Variants in ERC2 observed in about 807,000 individuals in gnomAD.
ERC2 encodes the protein ERC protein 2.
Under a neutral mutation model 114.8 loss-of-function variants are expected in ERC2, and 42 were observed. The observed-to-expected ratio is 0.37, with a 90% CI of 0.29 to 0.47. ERC2 has a LOEUF of 0.47. ERC2 is among the 20% of genes least tolerant of loss of function. The probability of loss-of-function intolerance (pLI) is 0.99; values close to 1 mark genes in which losing one functional copy is unlikely to be tolerated. For missense variants in ERC2, 939 were observed against 1,150.7 expected, an observed-to-expected ratio of 0.82 and a Z score of 2.66; for synonymous variants, 454 against 425.5, an observed-to-expected ratio of 1.07 and a Z score of -0.82.
chr3:56,197,849 T>C (rs2048192601), intron 3 of ERC2, among the ~76,000 whole-genome samples: 1 of 152,242 alleles, frequency 6.6e-6, no homozygotes, highest in Non-Finnish European at 1.5e-5. Context: ...TTTCCAAAAA[T>C]TCTTAGTGTT....
chr3:55,836,016 G>A (rs1202550957), intron 14 of ERC2, among the ~76,000 whole-genome samples: 10 of 151,068 alleles, frequency 6.6e-5, no homozygotes, highest in Non-Finnish European at 1.0e-4. Flanking sequence ...GTTTCAAAGA[G>A]AATAAAATAC....
intron 6 of ERC2, among the ~76,000 whole-genome samples, chr3:56,095,370 A>G (rs935421733): frequency 2.6e-5 from 4 of 152,228 alleles, no homozygotes; most frequent in African/African-American, 4.8e-5. Context: ...AGACAGATAA[A>G]TAAGATTAAA....
chr3:56,219,164 T>C (rs1343306552), intron 3 of ERC2, among the ~76,000 whole-genome samples: 1 of 151,994 alleles, frequency 6.6e-6, no homozygotes, highest in Non-Finnish European at 1.5e-5. Context: ...AAAAAAAGAC[T>C]ACACATTGGG....
chr3:56,355,111 C>A (rs1404792055), intron 2 of ERC2, among the ~76,000 whole-genome samples: 1 of 152,090 alleles, frequency 6.6e-6, no homozygotes, highest in Non-Finnish European at 1.5e-5. Context: ...TGATCCTTTT[C>A]TTTTTTAATC....
At position 55,675,903 on chromosome 3, in the gene ERC2, C is replaced by CTTTTTTTTTTTTTTTTTT. The variant is rs869296098; in HGVS notation, c.*39+7873_*39+7890dup. 7.2e-3 allele frequency among the ~76,000 whole-genome samples: 347 copies of CTTTTTTTTTTTTTTTTTT among 48,006 alleles called. 68 individuals carry two copies. The highest frequency in any genetic ancestry group is 0.021 in the Middle Eastern group (1 of 48). 31.5% of individuals were successfully genotyped at this position (48,006 alleles called of 152,430 possible). A position where few individuals can be genotyped will look rare whatever the true frequency, so the allele number is the denominator to read the frequency against. On this transcript the variant is annotated intron_variant, in intron 17 of 17. Coordinates refer to ENST00000288221, the MANE Select transcript of ERC2 (RefSeq NM_015576.3). ...TTCCATCTTTCTTTCTCTTTTCTTTCTTTTTTTTTTTTTTTTTTTTTTTTT... is the reference window on the plus strand; with the variant it reads ...TTCCATCTTTCTTTCTCTTTTCTTTCTTTTTTTTTTTTTTTTTTTTTTTTTTTTTTTTTTTTTTTTTTT...
Position 56,456,807 on chromosome 3 carries a change from G to A in ERC2, c.-141+11441C>T, listed in dbSNP as rs117452444. ...GCACAAACTGTTGTACAAATATGGT[G>A]ATGCTGATGAACTAAAACTACTTGT... On this transcript the variant is annotated intron_variant, in intron 1 of 17. Coordinates refer to ENST00000288221, the MANE Select transcript of ERC2 (RefSeq NM_015576.3). 4.5e-4 allele frequency among the ~76,000 whole-genome samples: 68 copies of A among 152,310 alleles called. 1 individual carries two copies. The East Asian group carries it at 7.7e-3, about 17-fold the overall frequency.
At chr3:55,733,510 ATTCTCTCTGTCTCT>A (rs2065407974) in intron 15 of ERC2, among the ~76,000 whole-genome samples, 5 of 79,612 alleles carry the variant, frequency 6.3e-5, no homozygotes, top group African/African-American at 2.0e-4. Flanking sequence ...TCTCTCTCTC[ATTCTCTCTGTCTCT>A]CATTCTTTCT....
chr3:56,421,145 G>A (rs915582527), intron 2 of ERC2, among the ~76,000 whole-genome samples: 3 of 152,182 alleles, frequency 2.0e-5, no homozygotes, highest in African/African-American at 7.2e-5. Flanking sequence ...GGCTACTGAA[G>A]TTGTTATTGA....
chr3:56,030,704 T>C (rs1050227496), intron 7 of ERC2, among the ~76,000 whole-genome samples: 7 of 152,226 alleles, frequency 4.6e-5, no homozygotes, highest in Middle Eastern at 6.3e-3. Flanking sequence ...TTTCCAGTGC[T>C]AATCCTCTGA....
intron 7 of ERC2, among the ~76,000 whole-genome samples, chr3:56,032,959 CAGAA>C (rs1224864548): frequency 5.4e-4 from 21 of 38,684 alleles, no homozygotes; most frequent in African/African-American, 2.0e-3. Flanking sequence ...AAGAAAGAAA[CAGAA>C]AGAAAGAAAG....
chr3:55,714,467 T>C (rs78855128), intron 15 of ERC2, among the ~76,000 whole-genome samples: 3,107 of 152,010 alleles, frequency 0.02, 76 homozygotes, highest in African/African-American at 0.055. Context: ...GTTATTCCTA[T>C]AATGAAATAT....
At chr3:56,213,414 A>G (rs989043460) in intron 3 of ERC2, among the ~76,000 whole-genome samples, 2 of 152,204 alleles carry the variant, frequency 1.3e-5, no homozygotes, top group Non-Finnish European at 2.9e-5. Context: ...AGCCTCGCTC[A>G]TTGCTAGCAC....
In ERC2 at chr3:56,010,541, C is replaced by T; in HGVS notation, c.1828G>A (p.Glu610Lys). 6.2e-7 allele frequency: 1 copy of T among 1,613,604 alleles called. No homozygotes were observed. The highest frequency in any genetic ancestry group is 8.5e-7 in the Non-Finnish European group (1 of 1,179,710). ...AAGGATTCTATCTCTTCTAGTCTTT[C>T]CCGATCATCTCTTTCTCGCTGTTCT... ...LKEQRERDDR[E>K]RLEEIESFRK... Residue 610 changes from glutamate (E) to lysine (K), a missense_variant, in exon 9 of 18, where the codon GAA (glutamate) becomes AAA (lysine). Glu to Lys is a moderately conservative substitution (Grantham distance 56). Transcript: ENST00000288221.
intron 17 of ERC2, among the ~76,000 whole-genome samples, chr3:55,640,321 C>T (rs886223573): frequency 5.9e-5 from 9 of 152,224 alleles, no homozygotes; most frequent in Admixed American, 5.9e-4. Context: ...AAGTTTTTGC[C>T]TGTTCTTGAC....
intron 4 of ERC2, among the ~76,000 whole-genome samples, chr3:56,162,528 G>C (rs930349918): frequency 2.0e-5 from 3 of 152,032 alleles, no homozygotes; most frequent in Non-Finnish European, 4.4e-5. Context: ...TTGGTTGGTA[G>C]GTTTTTTGTT....
chr3:56,059,450 T>C (rs2076158557), intron 7 of ERC2, among the ~76,000 whole-genome samples: 1 of 152,180 alleles, frequency 6.6e-6, no homozygotes, highest in South Asian at 2.1e-4. Flanking sequence ...GTTCATAACC[T>C]ATTGCTGCTA....
intron 2 of ERC2, among the ~76,000 whole-genome samples, chr3:56,399,426 A>T (rs2060438349): frequency 6.6e-6 from 1 of 152,228 alleles, no homozygotes; most frequent in Non-Finnish European, 1.5e-5. Flanking sequence ...ATAGTAGTTG[A>T]TAATGTCAAT....
chr3:56,087,958 C>T (rs1332001671), intron 6 of ERC2, among the ~76,000 whole-genome samples: 1 of 152,088 alleles, frequency 6.6e-6, no homozygotes, highest in Non-Finnish European at 1.5e-5. Context: ...TTGGTAGTAA[C>T]GACTAGTTCT....
At chr3:55,836,448 C>T (rs138793277) in intron 14 of ERC2, among the ~76,000 whole-genome samples, 1,598 of 152,186 alleles carry the variant, frequency 0.011, 12 homozygotes, top group Middle Eastern at 0.031. Context: ...GAAATAATGC[C>T]GCTTATCTAC....
Sources: gnomAD v4.1 joint callset for allele counts (sites outside exome capture counted in the v4.1 genomes callset) on GRCh38, gnomAD v4.1.1 for gene constraint, MANE v1.5 for transcripts, NCBI Gene and HGNC (gene_info 2026-07-23, HGNC 2026-07-21) for gene names.